TGFBR3: variants seen among roughly 807,000 people sequenced by gnomAD.
TGFBR3 encodes transforming growth factor beta receptor type 3.
TGFBR3 carries 46 observed loss-of-function variants against 87.9 expected under a neutral mutation model. The observed-to-expected ratio is 0.52, with a 90% CI of 0.41 to 0.67. The LOEUF (loss-of-function observed/expected upper bound fraction) is 0.67. Ranked by LOEUF, TGFBR3 falls within the 30% of genes least tolerant of loss-of-function variation. The pLI is 0.00. For synonymous variants in TGFBR3, 381 were observed against 391.6 expected (o/e 0.97, Z 0.32); for missense variants, 866 against 1,041.9 (o/e 0.83, Z 2.32).
At chr1:91,722,734 A>T (rs2100789862) in intron 7 of TGFBR3, among the ~76,000 whole-genome samples, 1 of 152,286 alleles carries the variant, frequency 6.6e-6, no homozygotes, top group East Asian at 1.9e-4. Context: ...CCTACTACAC[A>T]CCTAGGCTAT....
intron 2 of TGFBR3, among the ~76,000 whole-genome samples, chr1:91,838,853 T>C (rs1484287791): frequency 2.6e-5 from 4 of 152,214 alleles, no homozygotes; most frequent in Non-Finnish European, 5.9e-5. Context: ...ACCACTGGGT[T>C]TTCCCATCTA....
At chr1:91,713,470 C>G (rs1672056580) in intron 12 of TGFBR3, among the ~76,000 whole-genome samples, 1 of 152,216 alleles carries the variant, frequency 6.6e-6, no homozygotes, top group South Asian at 2.1e-4. Flanking sequence ...ATGCCTCATT[C>G]TTTGACTAAA....
At chr1:91,786,968 G>A (rs1304607015) in intron 3 of TGFBR3, among the ~76,000 whole-genome samples, 2 of 152,114 alleles carry the variant, frequency 1.3e-5, no homozygotes, top group Non-Finnish European at 2.9e-5. Context: ...CCGGCCCTAA[G>A]TGCCACAGAG....
intron 2 of TGFBR3, among the ~76,000 whole-genome samples, chr1:91,852,638 C>T: frequency 1.3e-5 from 2 of 152,138 alleles, no homozygotes; most frequent in East Asian, 3.9e-4. Context: ...GCCATCTCGG[C>T]TCACCGCAAC....
At chr1:91,728,612 A>G (rs1364439296) in intron 6 of TGFBR3, among the ~76,000 whole-genome samples, 2 of 152,190 alleles carry the variant, frequency 1.3e-5, no homozygotes, top group African/African-American at 4.8e-5. Flanking sequence ...GTATACTCCA[A>G]TGAAGCCTCA....
rs1408123207 is a variant in TGFBR3 at position 91,767,394 on chromosome 1, A to G, written c.247-8644T>C. Among the ~76,000 whole-genome samples the G allele has an allele frequency of 4.5e-5, 6 of 133,150 alleles. 2 individuals are homozygous for G. Among genetic ancestry groups the G allele is most frequent in the Non-Finnish European group, 9.9e-5 (6 of 60,860 alleles). The allele number at this position is 133,150 out of a possible 152,430, so 87.4% of individuals were successfully genotyped here. A position where few individuals can be genotyped will look rare whatever the true frequency, so the allele number is the denominator to read the frequency against. Reference sequence around the variant, plus strand: ...AGAAATCCAGAGAGGAGTAATTACTAAGACATGAACATTCAAAAACACCGC... The same window carrying G: ...AGAAATCCAGAGAGGAGTAATTACTGAGACATGAACATTCAAAAACACCGC... On this transcript the variant is annotated intron_variant, in intron 3 of 16. Transcript: ENST00000212355.
chr1:91,869,614 A>G (rs1366650310), intron 1 of TGFBR3, among the ~76,000 whole-genome samples: 2 of 152,232 alleles, frequency 1.3e-5, no homozygotes, highest in Non-Finnish European at 2.9e-5. Flanking sequence ...CAGTGAGCTG[A>G]GATCACGCCA....
intron 5 of TGFBR3, among the ~76,000 whole-genome samples, 186 bp downstream of exon 5, chr1:91,734,590 G>A (rs1461808648): frequency 6.6e-6 from 1 of 152,196 alleles, no homozygotes; most frequent in Non-Finnish European, 1.5e-5. Flanking sequence ...TGCTTCCCCA[G>A]GAGGAAAAAA....
chr1:91,686,236 A>G (rs559277182), intron 16 of TGFBR3, among the ~76,000 whole-genome samples: 1 of 152,304 alleles, frequency 6.6e-6, no homozygotes, highest in East Asian at 1.9e-4. Flanking sequence ...TGCCAAATAT[A>G]ATTTGTTGCC....
chr1:91,878,255 CCTCAA>C (rs1255189180), intron 1 of TGFBR3, among the ~76,000 whole-genome samples: 5 of 149,272 alleles, frequency 3.3e-5, no homozygotes, highest in African/African-American at 1.2e-4. Flanking sequence ...AAGTTTTTCA[CCTCAA>C]ATAACCTTCC....
intron 3 of TGFBR3, among the ~76,000 whole-genome samples, chr1:91,770,229 TAAA>T (rs768443099): frequency 7.1e-6 from 1 of 140,560 alleles, no homozygotes; most frequent in Non-Finnish European, 1.6e-5. Flanking sequence ...AACCCTGGAT[TAAA>T]AAAAAAAAAA....
intron 3 of TGFBR3, among the ~76,000 whole-genome samples, chr1:91,780,481 A>G (rs1674719117): frequency 6.9e-6 from 1 of 145,398 alleles, no homozygotes; most frequent in Non-Finnish European, 1.5e-5. Context: ...AATGGGGCAT[A>G]TTTATGAGAC....
chr1:91,805,945 G>A (rs565570865), intron 2 of TGFBR3, among the ~76,000 whole-genome samples: 3 of 152,340 alleles, frequency 2.0e-5, no homozygotes, highest in South Asian at 4.1e-4. Context: ...CCCTGGCAGA[G>A]CACCACCTGC....
intron 2 of TGFBR3, among the ~76,000 whole-genome samples, chr1:91,832,864 A>G (rs1432969199): frequency 5.9e-5 from 9 of 151,854 alleles, no homozygotes; most frequent in Admixed American, 4.6e-4. Context: ...TTATATAAAA[A>G]TATAAAAATG....
At chr1:91,812,139 C>A (rs1676053653) in intron 2 of TGFBR3, among the ~76,000 whole-genome samples, 1 of 152,122 alleles carries the variant, frequency 6.6e-6, no homozygotes, top group Non-Finnish European at 1.5e-5. Context: ...CATGCCATTT[C>A]CTCCAACAAA....
chr1:91,698,248 A>C, intron 14 of TGFBR3, 118 bp from the exon 15 acceptor site: 1 of 872,616 alleles, frequency 1.1e-6, no homozygotes, highest in Non-Finnish European at 1.9e-6. Flanking sequence ...ACTGTGAGAA[A>C]GCTCTGTCAA....
intron 2 of TGFBR3, among the ~76,000 whole-genome samples, chr1:91,810,285 A>T (rs1675984509): frequency 6.6e-6 from 1 of 152,056 alleles, no homozygotes. Flanking sequence ...TCTCAAACTC[A>T]TGAGCTCAAG....
intron 3 of TGFBR3, among the ~76,000 whole-genome samples, chr1:91,791,009 G>A (rs1321967052): frequency 6.6e-5 from 10 of 152,218 alleles, no homozygotes; most frequent in Admixed American, 6.5e-4. Context: ...ATTACATATA[G>A]ATAGGTAGGT....
intron 1 of TGFBR3, among the ~76,000 whole-genome samples, chr1:91,870,231 C>T (rs1678533616): frequency 6.6e-6 from 1 of 152,148 alleles, no homozygotes; most frequent in African/African-American, 2.4e-5. Flanking sequence ...AGAACTCTAC[C>T]AATAGTCCTC....
Sources: allele counts gnomAD v4.1 joint callset (sites outside exome capture counted in the v4.1 genomes callset), GRCh38; gene constraint gnomAD v4.1.1; transcripts MANE v1.5; gene names NCBI Gene and HGNC (gene_info 2026-07-23, HGNC 2026-07-21).